Variants in CNTN4 observed in about 807,000 individuals in gnomAD.
The protein encoded by CNTN4 is contactin-4.
A neutral mutation model predicts 122.5 loss-of-function variants in CNTN4; 77 were observed. The observed-to-expected ratio is 0.63, with a 90% CI of 0.52 to 0.76. The LOEUF (loss-of-function observed/expected upper bound fraction) is 0.76, where lower values mean the gene tolerates loss of function less well. Among genes scored for constraint, CNTN4 ranks in the 30% least tolerant of loss-of-function variants. The pLI, the probability that CNTN4 is intolerant of heterozygous loss-of-function variation, is 0.00. For missense variants in CNTN4, 1,256 were observed against 1,259.1 expected (o/e 1.00, Z 0.04); for synonymous variants, 512 against 447.0 (o/e 1.15, Z -1.83).
At chr3:2,924,389 A>C (rs1207976409) in intron 12 of CNTN4, among the ~76,000 whole-genome samples, 1 of 152,012 alleles carries the variant, frequency 6.6e-6, no homozygotes, top group Non-Finnish European at 1.5e-5. Context: ...TCAATTTTAC[A>C]TTCAACATGG....
At chr3:2,431,580 G>T in intron 3 of CNTN4, among the ~76,000 whole-genome samples, 1 of 152,206 alleles carries the variant, frequency 6.6e-6, no homozygotes, top group South Asian at 2.1e-4. Flanking sequence ...TAGATAAGAG[G>T]AACCATAATT....
chr3:2,743,345 G>A (rs2149536437), intron 5 of CNTN4, among the ~76,000 whole-genome samples: 1 of 152,250 alleles, frequency 6.6e-6, no homozygotes, highest in Non-Finnish European at 1.5e-5. Context: ...TAACCTGGCT[G>A]TTCTGTCTTT....
At chr3:2,157,612 T>C (rs980659163) in intron 2 of CNTN4, among the ~76,000 whole-genome samples, 1 of 152,220 alleles carries the variant, frequency 6.6e-6, no homozygotes, top group Non-Finnish European at 1.5e-5. Context: ...ATGAATGTGT[T>C]TTCTCATCTA....
chr3:2,887,419 C>T (rs373712569), intron 10 of CNTN4, among the ~76,000 whole-genome samples, 195 bp downstream of exon 10: 13 of 152,032 alleles, frequency 8.6e-5, no homozygotes, highest in East Asian at 1.9e-4. Flanking sequence ...AGGGTGTTGA[C>T]GGAGCAGAGA....
intron 3 of CNTN4, among the ~76,000 whole-genome samples, chr3:2,508,690 CTG>C (rs1372959379): frequency 1.3e-5 from 2 of 152,180 alleles, no homozygotes; most frequent in Non-Finnish European, 2.9e-5. Flanking sequence ...AAAACAATCT[CTG>C]TATACATTTT....
At chr3:2,906,275 G>A (rs1004443054) in intron 12 of CNTN4, among the ~76,000 whole-genome samples, 26 of 152,104 alleles carry the variant, frequency 1.7e-4, no homozygotes, top group Admixed American at 8.5e-4. Context: ...TGTATAACAC[G>A]ATGATTATAG....
intron 3 of CNTN4, among the ~76,000 whole-genome samples, chr3:2,411,555 A>G (rs1478971517): frequency 6.6e-6 from 1 of 152,132 alleles, no homozygotes; most frequent in Non-Finnish European, 1.5e-5. Context: ...ATGTCTTTTC[A>G]TAAGGAAGTT....
At chr3:2,817,483 T>G (rs2092763958) in intron 6 of CNTN4, among the ~76,000 whole-genome samples, 1 of 152,228 alleles carries the variant, frequency 6.6e-6, no homozygotes, top group African/African-American at 2.4e-5. Context: ...ACCAGATTAA[T>G]GAGATACACT....
chr3:2,639,414 T>C (rs1290494981), intron 4 of CNTN4, among the ~76,000 whole-genome samples: 1 of 152,170 alleles, frequency 6.6e-6, no homozygotes, highest in Non-Finnish European at 1.5e-5. Context: ...AAAAATTTGC[T>C]CAGACCTCAC....
At chr3:2,611,537 C>G (rs1904394) in intron 4 of CNTN4, among the ~76,000 whole-genome samples, 33,482 of 151,904 alleles carry the variant, frequency 0.22, 4,152 homozygotes, top group African/African-American at 0.32. Context: ...TGTGTGAATT[C>G]ACTTTGTAAG....
intron 3 of CNTN4, among the ~76,000 whole-genome samples, chr3:2,555,722 A>T (rs894562090): frequency 7.2e-5 from 11 of 152,144 alleles, no homozygotes; most frequent in Non-Finnish European, 1.0e-4. Context: ...TCTAATATAG[A>T]TTTATGCTGC....
intron 3 of CNTN4, among the ~76,000 whole-genome samples, chr3:2,483,639 G>T (rs1000292362): frequency 1.3e-5 from 2 of 152,098 alleles, no homozygotes; most frequent in African/African-American, 4.8e-5. Flanking sequence ...CCCCAATGCT[G>T]TTCTCATGAT....
intron 6 of CNTN4, among the ~76,000 whole-genome samples, chr3:2,800,439 C>T (rs2092319996): frequency 1.3e-5 from 2 of 152,180 alleles, no homozygotes; most frequent in Admixed American, 6.5e-5. Context: ...TTACATACCA[C>T]TAAAGTTCTT....
chr3:2,721,381 C>G (rs978098362), intron 4 of CNTN4, among the ~76,000 whole-genome samples: 1 of 152,170 alleles, frequency 6.6e-6, no homozygotes, highest in African/African-American at 2.4e-5. Context: ...TGGGGCCTCA[C>G]TGTATTTGTC....
At chr3:2,927,840 A>C (rs186381532) in intron 13 of CNTN4, among the ~76,000 whole-genome samples, 1 of 152,306 alleles carries the variant, frequency 6.6e-6, no homozygotes, top group African/African-American at 2.4e-5. Flanking sequence ...CCTGCTATTT[A>C]TCGCCTCCAC....
intron 3 of CNTN4, among the ~76,000 whole-genome samples, chr3:2,407,019 G>A (rs901533857): frequency 9.2e-5 from 14 of 152,106 alleles, no homozygotes; most frequent in African/African-American, 3.4e-4. Context: ...CACTTATTAG[G>A]ATTTTTTTAC....
chr3:2,132,943 C>G (rs567028464), intron 2 of CNTN4, among the ~76,000 whole-genome samples: 1 of 152,246 alleles, frequency 6.6e-6, no homozygotes, highest in South Asian at 2.1e-4. Context: ...TTGGGACAGG[C>G]TGCCAGAGTG....
chr3:2,352,782 G>A (rs925116454), intron 3 of CNTN4, among the ~76,000 whole-genome samples: 25 of 152,222 alleles, frequency 1.6e-4, no homozygotes, highest in Admixed American at 1.5e-3. Context: ...TGCACGGTGC[G>A]GGACTGGTGG....
chr3:2,431,744 T>C (rs959171290), intron 3 of CNTN4, among the ~76,000 whole-genome samples: 7 of 152,194 alleles, frequency 4.6e-5, no homozygotes, highest in Admixed American at 4.6e-4. Flanking sequence ...TTTATTATTA[T>C]GTAGGAAAAG....
Sources: gnomAD v4.1 joint callset for allele counts (sites outside exome capture counted in the v4.1 genomes callset) on GRCh38, gnomAD v4.1.1 for gene constraint, MANE v1.5 for transcripts, NCBI Gene and HGNC (gene_info 2026-07-23, HGNC 2026-07-21) for gene names.